EXOC4: variants seen among roughly 807,000 people sequenced by gnomAD.
EXOC4 encodes the protein exocyst complex component 4.
A neutral mutation model predicts 107.2 loss-of-function variants in EXOC4; 71 were observed. The observed-to-expected ratio is 0.66, with a 90% CI of 0.55 to 0.81. The LOEUF is 0.81. EXOC4 is among the 30% of genes least tolerant of loss of function. The probability of loss-of-function intolerance (pLI) is 0.00; values close to 1 mark genes in which losing one functional copy is unlikely to be tolerated. For missense variants in EXOC4, 1,108 were observed against 1,189.6 expected (o/e 0.93, Z 1.01); for synonymous variants, 456 against 441.2 (o/e 1.03, Z -0.42).
intron 5 of EXOC4, among the ~76,000 whole-genome samples, chr7:133,347,389 G>A (rs1034210466): frequency 4.0e-5 from 6 of 151,870 alleles, no homozygotes; most frequent in South Asian, 2.1e-4. Flanking sequence ...GACTACAGGC[G>A]TGTGCCACCA....
chr7:133,876,642 A>G (rs1301364773), intron 11 of EXOC4, among the ~76,000 whole-genome samples: 1 of 152,032 alleles, frequency 6.6e-6, no homozygotes, highest in Non-Finnish European at 1.5e-5. Context: ...CAGATGCCTT[A>G]CTGTGAACTC....
chr7:133,635,482 T>C (rs1020998845), intron 10 of EXOC4, among the ~76,000 whole-genome samples: 1 of 152,218 alleles, frequency 6.6e-6, no homozygotes, highest in African/African-American at 2.4e-5. Context: ...AGAACACAAG[T>C]TATTTCTTAG....
At chr7:133,843,036 G>A (rs1006128145) in intron 11 of EXOC4, among the ~76,000 whole-genome samples, 11 of 151,984 alleles carry the variant, frequency 7.2e-5, no homozygotes, top group Non-Finnish European at 1.5e-4. Context: ...TGTCTGTTTT[G>A]GTACCAGTAC....
At chr7:133,807,482 C>G (rs1797106165) in intron 10 of EXOC4, among the ~76,000 whole-genome samples, 1 of 151,954 alleles carries the variant, frequency 6.6e-6, no homozygotes, top group African/African-American at 2.4e-5. Context: ...TATGGGGCAC[C>G]TAAAACAGAG....
intron 13 of EXOC4, 23 bp from the exon 14 acceptor site, chr7:133,937,868 T>G (rs1563064012): frequency 6.2e-7 from 1 of 1,613,446 alleles, no homozygotes; most frequent in Middle Eastern, 1.6e-4. Flanking sequence ...ATATATGAAG[T>G]GTGTTTCTGA....
At chr7:133,936,745 C>T (rs892241253) in intron 13 of EXOC4, among the ~76,000 whole-genome samples, 3 of 152,156 alleles carry the variant, frequency 2.0e-5, no homozygotes, top group Admixed American at 1.3e-4. Flanking sequence ...CTGCAACCTC[C>T]GCCTCCCGGG....
intron 13 of EXOC4, chr7:133,930,368 G>C (rs1800149961): frequency 6.6e-6 from 1 of 152,164 alleles, no homozygotes; most frequent in African/African-American, 2.4e-5. Flanking sequence ...GAGTGTCTTA[G>C]CTAAAGAAAG....
chr7:133,847,875 ATTTTTTTT>A (rs55923568), intron 11 of EXOC4, among the ~76,000 whole-genome samples: 41 of 85,036 alleles, frequency 4.8e-4, no homozygotes, highest in African/African-American at 1.8e-3. Flanking sequence ...TGCCCAGCTA[ATTTTTTTT>A]TTTTTTTTTT....
chr7:134,058,626 A>G (rs1795984264), intron 17 of EXOC4, among the ~76,000 whole-genome samples: 1 of 151,866 alleles, frequency 6.6e-6, no homozygotes, highest in South Asian at 2.1e-4. Context: ...AGTTTGTACA[A>G]ACGAATTTGA....
At chr7:133,490,361 T>G (rs1435870322) in intron 9 of EXOC4, among the ~76,000 whole-genome samples, 1 of 152,090 alleles carries the variant, frequency 6.6e-6, no homozygotes, top group Admixed American at 6.6e-5. Context: ...CACGGAGTTG[T>G]GTGTATGTAT....
chr7:133,965,341 C>T (rs1801040290), intron 14 of EXOC4, among the ~76,000 whole-genome samples: 1 of 152,118 alleles, frequency 6.6e-6, no homozygotes, highest in South Asian at 2.1e-4. Context: ...TAATTAGATC[C>T]CATTTGTCAA....
intron 17 of EXOC4, among the ~76,000 whole-genome samples, chr7:134,054,468 T>C (rs1241386451): frequency 6.6e-6 from 1 of 152,196 alleles, no homozygotes; most frequent in African/African-American, 2.4e-5. Context: ...CCTGGAGTCC[T>C]TGATGTGATT....
At chr7:133,396,436 G>C (rs1796972985) in intron 7 of EXOC4, 1 of 152,164 alleles carries the variant, frequency 6.6e-6, no homozygotes, top group Non-Finnish European at 1.5e-5. Flanking sequence ...ACCAGGCTTT[G>C]AATCTTGGTC....
At chr7:133,473,703 C>CT (rs1798937122) in intron 7 of EXOC4, among the ~76,000 whole-genome samples, 1 of 151,076 alleles carries the variant, frequency 6.6e-6, no homozygotes, top group African/African-American at 2.4e-5. Context: ...ATTACTGGGT[C>CT]TTGTTTTTTT....
At chr7:133,991,017 G>C (rs1344608163) in intron 14 of EXOC4, among the ~76,000 whole-genome samples, 1 of 152,074 alleles carries the variant, frequency 6.6e-6, no homozygotes, top group Non-Finnish European at 1.5e-5. Flanking sequence ...TTTCCATAAT[G>C]GTTATACTAA....
chr7:133,372,231 G>A (rs1796392615), intron 6 of EXOC4, among the ~76,000 whole-genome samples: 1 of 152,122 alleles, frequency 6.6e-6, no homozygotes, highest in Admixed American at 6.5e-5. Context: ...TCAGAGCTGT[G>A]GGTTTTATTA....
chr7:134,093,643 A>G, the EXOC4 span, among the ~76,000 whole-genome samples: 1 of 152,254 alleles, frequency 6.6e-6, no homozygotes, highest in African/African-American at 2.4e-5. Flanking sequence ...CTGTATATGG[A>G]ACATCCTCCA....
At chr7:133,580,766 G>A (rs924427156) in intron 9 of EXOC4, among the ~76,000 whole-genome samples, 4 of 152,230 alleles carry the variant, frequency 2.6e-5, no homozygotes, top group East Asian at 1.9e-4. Flanking sequence ...CTCTTTTAAG[G>A]TACTGCATCT....
chr7:133,667,659 T>TAC (rs1279257287), intron 10 of EXOC4, among the ~76,000 whole-genome samples: 1 of 152,244 alleles, frequency 6.6e-6, no homozygotes, highest in Non-Finnish European at 1.5e-5. Context: ...AGAAGGTTAT[T>TAC]GTTTTGTTGT....
Sources: allele counts gnomAD v4.1 joint callset (sites outside exome capture counted in the v4.1 genomes callset), GRCh38; gene constraint gnomAD v4.1.1; transcripts MANE v1.5; gene names NCBI Gene and HGNC (gene_info 2026-07-23, HGNC 2026-07-21).